RUFY2: variants seen among roughly 807,000 people sequenced by gnomAD.
The protein encoded by RUFY2 is RUN and FYVE domain containing 2, also known as RUN and FYVE domain-containing protein 2.
In RUFY2, 49 loss-of-function variants were observed where a neutral mutation model predicts 94.4. The observed-to-expected ratio is 0.52, with a 90% confidence interval of 0.41 to 0.66. RUFY2 has a LOEUF of 0.66. Among genes scored for constraint, RUFY2 ranks in the 30% least tolerant of loss-of-function variants. The pLI is 0.00. For missense variants in RUFY2, 541 were observed against 692.8 expected (o/e 0.78, Z 2.46); for synonymous variants, 255 against 235.7 (o/e 1.08, Z -0.75).
chr10:68,407,081 C>A, intron 1 of RUFY2, 105 bp downstream of exon 1: 2 of 1,496,730 alleles, frequency 1.3e-6, no homozygotes, highest in Non-Finnish European at 1.8e-6. Flanking sequence ...CCAGTTCCGA[C>A]TGGCGGCCTC....
At chr10:68,358,226 T>C (rs997189192) in intron 15 of RUFY2, among the ~76,000 whole-genome samples, 1 of 151,976 alleles carries the variant, frequency 6.6e-6, no homozygotes, top group African/African-American at 2.4e-5. Flanking sequence ...AACAAAAAAA[T>C]TGGAATGACT....
At chr10:68,402,570 T>C (rs1270461452) in intron 2 of RUFY2, among the ~76,000 whole-genome samples, 2 of 152,102 alleles carry the variant, frequency 1.3e-5, no homozygotes, top group Non-Finnish European at 2.9e-5. Context: ...AGTCTAAAAA[T>C]AGTTTAAAAT....
At chr10:68,392,181 G>A (rs1191864754) in intron 7 of RUFY2, among the ~76,000 whole-genome samples, 2 of 151,380 alleles carry the variant, frequency 1.3e-5, no homozygotes, top group South Asian at 2.1e-4. Flanking sequence ...ACAGGTGACC[G>A]CCACCACCCC....
At chr10:68,407,088 C>A in intron 1 of RUFY2, 98 bp downstream of exon 1, 2 of 1,502,406 alleles carry the variant, frequency 1.3e-6, no homozygotes, top group Admixed American at 2.2e-5. Flanking sequence ...CGACTGGCGG[C>A]CTCGGCGTCT....
At chr10:68,361,893 G>C (rs1400723643) in intron 15 of RUFY2, among the ~76,000 whole-genome samples, 2 of 152,202 alleles carry the variant, frequency 1.3e-5, no homozygotes, top group African/African-American at 2.4e-5. Flanking sequence ...TAATACTTGG[G>C]AGAAGGGAAG....
intron 16 of RUFY2, among the ~76,000 whole-genome samples, chr10:68,350,430 G>A (rs75110092): frequency 0.036 from 5,420 of 152,232 alleles, 295 homozygotes; most frequent in African/African-American, 0.12. Context: ...GTTTAGGACA[G>A]CTGTTCTAGA....
intron 13 of RUFY2, among the ~76,000 whole-genome samples, chr10:68,364,364 A>C (rs974208380): frequency 6.6e-6 from 1 of 152,192 alleles, no homozygotes; most frequent in African/African-American, 2.4e-5. Flanking sequence ...AATTAATTTC[A>C]TATACATAAA....
chr10:68,347,971 C>T (rs2046397323), intron 16 of RUFY2, among the ~76,000 whole-genome samples: 1 of 152,146 alleles, frequency 6.6e-6, no homozygotes, highest in South Asian at 2.1e-4. Flanking sequence ...AAAGCATTCA[C>T]AGATCAAGAT....
intron 11 of RUFY2, among the ~76,000 whole-genome samples, chr10:68,380,089 T>A (rs1411970367): frequency 6.6e-6 from 1 of 151,708 alleles, no homozygotes. Flanking sequence ...ATTACAGGCA[T>A]GAGCCACCGC....
At chr10:68,384,789 C>T (rs117875270) in intron 8 of RUFY2, among the ~76,000 whole-genome samples, 4,843 of 152,216 alleles carry the variant, frequency 0.032, 112 homozygotes, top group Non-Finnish European at 0.043. Context: ...TTGCAATTAA[C>T]ACATTTCTAA....
rs1293510914 is a variant in RUFY2 at position 68,376,458 on chromosome 10, ATAT to A, written c.1325+392_1325+394del. Among the ~76,000 whole-genome samples the A allele has an allele frequency of 2.0e-4, 6 of 29,294 alleles. 1 individual carries two copies. Among genetic ancestry groups the A allele is most frequent in the Non-Finnish European group, 4.2e-4 (6 of 14,170 alleles). The allele number at this position is 29,294 out of a possible 152,430, so 19.2% of individuals were successfully genotyped here. Reference sequence around the variant, plus strand: ...AAAATGTGTGTATATATATATATATATATATATATATATATATATATATATATA... The same window carrying A: ...AAAATGTGTGTATATATATATATATAATATATATATATATATATATATATA... On this transcript the variant is annotated intron_variant, in intron 13 of 17. Coordinates refer to ENST00000602465, the MANE Select transcript of RUFY2 (RefSeq NM_001330103.2).
intron 13 of RUFY2, among the ~76,000 whole-genome samples, chr10:68,372,595 A>G (rs2048354646): frequency 6.7e-6 from 1 of 150,032 alleles, no homozygotes; most frequent in Admixed American, 6.6e-5. Context: ...AAAAAAAAAA[A>G]AAAAAAAAAA....
intron 7 of RUFY2, among the ~76,000 whole-genome samples, chr10:68,390,495 G>A (rs1296045862): frequency 1.3e-5 from 2 of 152,010 alleles, no homozygotes; most frequent in East Asian, 1.9e-4. Context: ...CAGTATGGCC[G>A]CCATGAGCCA....
intron 16 of RUFY2, among the ~76,000 whole-genome samples, chr10:68,350,984 T>A (rs1017270581): frequency 6.6e-6 from 1 of 152,174 alleles, no homozygotes; most frequent in Non-Finnish European, 1.5e-5. Context: ...GTGCTGGGAC[T>A]GCAGGCATGA....
At position 68,392,845 on chromosome 10, in the gene RUFY2, T is replaced by C. The variant is rs574132097; in HGVS notation, c.650+293A>G. On this transcript the variant is annotated intron_variant, in intron 7 of 17. Coordinates refer to ENST00000602465, the MANE Select transcript of RUFY2 (RefSeq NM_001330103.2). ...CAGGAGGCTGAGGCAGGGGAATCAC[T>C]TGAACCTGGGAGGCGGAGGTTGCAG... Among the ~76,000 whole-genome samples, 15 of 151,382 alleles carry C rather than the reference T, an allele frequency of 9.9e-5. No homozygotes were observed. The East Asian group carries it at 2.7e-3, about 27-fold the overall frequency.
intron 13 of RUFY2, among the ~76,000 whole-genome samples, chr10:68,371,557 A>C (rs1446091529): frequency 2.0e-5 from 3 of 150,892 alleles, no homozygotes; most frequent in Admixed American, 1.3e-4. Flanking sequence ...GCGCCACTGC[A>C]CTCTAGCCTG....
chr10:68,405,944 T>G (rs1036775091), intron 1 of RUFY2, among the ~76,000 whole-genome samples: 4 of 152,216 alleles, frequency 2.6e-5, no homozygotes, highest in African/African-American at 9.6e-5. Flanking sequence ...TAAGATATTT[T>G]CAATTCACAA....
chr10:68,404,216 G>A (rs1417996873), intron 2 of RUFY2, among the ~76,000 whole-genome samples: 3 of 152,118 alleles, frequency 2.0e-5, no homozygotes, highest in Non-Finnish European at 4.4e-5. Context: ...CATCTTCAGG[G>A]ATGGCTCACA....
At chr10:68,355,450 T>C (rs1189675919) in intron 15 of RUFY2, 49 bp from the exon 16 acceptor site, 5 of 1,138,962 alleles carry the variant, frequency 4.4e-6, no homozygotes, top group Non-Finnish European at 6.6e-6. Context: ...TATTTAAATA[T>C]AGAACACTTA....
Sources: gnomAD v4.1 joint callset for allele counts (sites outside exome capture counted in the v4.1 genomes callset) on GRCh38, gnomAD v4.1.1 for gene constraint, MANE v1.5 for transcripts, NCBI Gene and HGNC (gene_info 2026-07-23, HGNC 2026-07-21) for gene names.